ADAMTS2: variants seen among roughly 807,000 people sequenced by gnomAD.
The protein encoded by ADAMTS2 is ADAM metallopeptidase with thrombospondin type 1 motif 2.
In ADAMTS2, 50 loss-of-function variants were observed where a neutral mutation model predicts 123.0. That is an observed-to-expected ratio of 0.41 (90% CI 0.32 to 0.51). The LOEUF (loss-of-function observed/expected upper bound fraction) is 0.51. Ranked by LOEUF, ADAMTS2 falls within the 20% of genes least tolerant of loss-of-function variation. The pLI, the probability that ADAMTS2 is intolerant of heterozygous loss-of-function variation, is 0.35. For missense variants in ADAMTS2, 1,494 were observed against 1,705.2 expected (o/e 0.88, Z 2.18); for synonymous variants, 678 against 695.4 (o/e 0.98, Z 0.39).
chr5:179,237,861 G>A (rs1765565820), intron 3 of ADAMTS2, among the ~76,000 whole-genome samples: 1 of 152,182 alleles, frequency 6.6e-6, no homozygotes, highest in African/African-American at 2.4e-5. Flanking sequence ...CAAGGTGCTT[G>A]AGAAAGGAAG....
intron 10 of ADAMTS2, among the ~76,000 whole-genome samples, chr5:179,148,179 C>T (rs780089857): frequency 1.6e-4 from 24 of 152,220 alleles, no homozygotes; most frequent in Admixed American, 8.5e-4. Context: ...GCAGCGCTGG[C>T]GGCTCTGAAC....
rs556334153 is a variant in ADAMTS2, at chr5:179,189,902, G to C, written c.892-8747C>G. Among the ~76,000 whole-genome samples, 3 of 151,008 alleles carry C rather than the reference G, an allele frequency of 2.0e-5. No individual in the cohort carries two copies. Among genetic ancestry groups the C allele is most frequent in the South Asian group, 2.1e-4 (1 of 4,772 alleles). On this transcript the variant is annotated intron_variant, in intron 4 of 21. Coordinates refer to ENST00000251582, the MANE Select transcript of ADAMTS2 (RefSeq NM_014244.5). The surrounding 1 kb of genome is among the most constrained non-coding windows in gnomAD (Gnocchi z 4.2). ...GTAGATTCACAAGGGCGGGTCCGGCGGGGGCGGGTGGCAATATCACAAAGT... is the reference window on the plus strand; with the variant it reads ...GTAGATTCACAAGGGCGGGTCCGGCCGGGGCGGGTGGCAATATCACAAAGT...
intron 3 of ADAMTS2, among the ~76,000 whole-genome samples, chr5:179,252,591 C>T (rs1172025322): frequency 1.3e-5 from 2 of 152,050 alleles, no homozygotes; most frequent in East Asian, 3.9e-4. Context: ...GCTTTGGGGG[C>T]TATTAATTTC....
intron 4 of ADAMTS2, among the ~76,000 whole-genome samples, chr5:179,191,684 C>T (rs1764310075): frequency 6.6e-6 from 1 of 152,124 alleles, no homozygotes; most frequent in Non-Finnish European, 1.5e-5. Flanking sequence ...AGCCGGAGCC[C>T]TATCCCTACC....
intron 3 of ADAMTS2, among the ~76,000 whole-genome samples, chr5:179,264,568 A>C (rs1269871466): frequency 6.6e-6 from 1 of 152,246 alleles, no homozygotes; most frequent in Admixed American, 6.5e-5. Flanking sequence ...TCTGCATGCC[A>C]GGGACTGTTA....
At chr5:179,146,963 C>T (rs1456181644) in intron 10 of ADAMTS2, among the ~76,000 whole-genome samples, 4 of 152,212 alleles carry the variant, frequency 2.6e-5, no homozygotes, top group Admixed American at 6.5e-5. Flanking sequence ...TGCCTTCAGA[C>T]GTAACCAACA....
At chr5:179,146,205 G>C (rs776521522) in intron 10 of ADAMTS2, among the ~76,000 whole-genome samples, 2 of 152,196 alleles carry the variant, frequency 1.3e-5, no homozygotes, top group Admixed American at 6.5e-5. Context: ...TATTAAAGCT[G>C]TTAGGGAAAA....
intron 2 of ADAMTS2, among the ~76,000 whole-genome samples, chr5:179,339,599 T>A (rs1318747011): frequency 6.6e-6 from 1 of 152,186 alleles, no homozygotes; most frequent in Non-Finnish European, 1.5e-5. Flanking sequence ...TGTAGGCTGC[T>A]TGCAGCTGGG....
rs1019528331 is a variant in ADAMTS2, at chr5:179,188,048, G to T, written c.892-6893C>A. On this transcript the variant is annotated intron_variant, in intron 4 of 21. Transcript: ENST00000251582. The surrounding 1 kb of genome is among the most constrained non-coding windows in gnomAD (Gnocchi z 5.1). ...CAAGGTGGGGGAGGGGTGCAGAAAG[G>T]GGGGAACCGGTGCAGGCTCCCTACT... Among the ~76,000 whole-genome samples, 3 of 152,028 alleles carry T rather than the reference G, an allele frequency of 2.0e-5. No homozygotes were observed. The highest frequency in any genetic ancestry group is 7.2e-5 in the African/African-American group (3 of 41,396).
chr5:179,255,494 C>T (rs1766025958), intron 3 of ADAMTS2, among the ~76,000 whole-genome samples: 1 of 152,258 alleles, frequency 6.6e-6, no homozygotes, highest in African/African-American at 2.4e-5. Context: ...GGCCTTTGTG[C>T]CTGTGAGCAG....
At chr5:179,126,435 C>T (rs1009000156) in intron 17 of ADAMTS2, among the ~76,000 whole-genome samples, 1 of 152,236 alleles carries the variant, frequency 6.6e-6, no homozygotes, top group Non-Finnish European at 1.5e-5. Context: ...CTACCTTGAC[C>T]TCACATGCCC....
intron 3 of ADAMTS2, among the ~76,000 whole-genome samples, chr5:179,238,948 G>A (rs1336174378): frequency 3.3e-5 from 5 of 152,124 alleles, no homozygotes; most frequent in Non-Finnish European, 5.9e-5. Context: ...AGAGAGGCAG[G>A]AAGTGGATGA....
At chr5:179,325,317 G>T (rs1321771646) in intron 2 of ADAMTS2, among the ~76,000 whole-genome samples, 2 of 152,200 alleles carry the variant, frequency 1.3e-5, no homozygotes, top group Non-Finnish European at 2.9e-5. Context: ...TTCGGGTGGG[G>T]CACGGAAGGG....
chr5:179,311,443 A>G (rs2113575845), intron 2 of ADAMTS2, among the ~76,000 whole-genome samples: 1 of 152,344 alleles, frequency 6.6e-6, no homozygotes, highest in South Asian at 2.1e-4. Flanking sequence ...CAAAGCCTCA[A>G]TGACAACAAA....
rs560181831 is a variant in ADAMTS2, at chr5:179,300,762, C to T, written c.535-27698G>A. 2.6e-5 allele frequency among the ~76,000 whole-genome samples: 4 copies of T among 152,282 alleles called. No homozygotes were observed. In the South Asian group the frequency reaches 8.3e-4, roughly 32 times the overall value. On this transcript the variant is annotated intron_variant, in intron 2 of 21. Transcript: ENST00000251582. ...CAAAAGTGCACTTTAAGGCCAAGCT[C>T]CGAATAAACACGATGATATTATTTT... is the stretch of plus-strand genomic sequence containing the variant.
chr5:179,125,229 A>G, intron 18 of ADAMTS2, 49 bp from the exon 19 acceptor site: 1 of 1,578,518 alleles, frequency 6.3e-7, no homozygotes, highest in Non-Finnish European at 8.7e-7. Flanking sequence ...CACCTGGAGA[A>G]CCTGCCTGGC....
At chr5:179,336,557 G>T (rs147233399) in intron 2 of ADAMTS2, among the ~76,000 whole-genome samples, 79 of 152,222 alleles carry the variant, frequency 5.2e-4, no homozygotes, top group African/African-American at 1.8e-3. Flanking sequence ...CAGTTTAAAT[G>T]GGAGTGTCTC....
At chr5:179,134,737 AGCTCCAGCTCCCG>A (rs879824881) in intron 13 of ADAMTS2, among the ~76,000 whole-genome samples, 13,715 of 131,612 alleles carry the variant, frequency 0.1, 2,015 homozygotes, top group Non-Finnish European at 0.15. Flanking sequence ...CTCCAGCTCC[AGCTCCAGCTCCCG>A]GCTCCAGCTC....
At chr5:179,302,054 C>T (rs1358276660) in intron 2 of ADAMTS2, among the ~76,000 whole-genome samples, 1 of 152,210 alleles carries the variant, frequency 6.6e-6, no homozygotes, top group Non-Finnish European at 1.5e-5. Flanking sequence ...CCCAGCACAG[C>T]CCTTCCGCCA....
Sources: gnomAD v4.1 joint callset for allele counts (sites outside exome capture counted in the v4.1 genomes callset) on GRCh38, gnomAD v4.1.1 for gene constraint, Gnocchi (gnomAD v3.1) non-coding constraint, MANE v1.5 for transcripts, NCBI Gene and HGNC (gene_info 2026-07-23, HGNC 2026-07-21) for gene names.